Variants in PHACTR1 observed in about 807,000 individuals in gnomAD.
PHACTR1 encodes phosphatase and actin regulator 1, also known as RPEL repeat containing 1.
PHACTR1 carries 16 observed loss-of-function variants against 69.2 expected under a neutral mutation model. The ratio of observed to expected loss-of-function variants is 0.23; its 90% CI spans 0.16 to 0.35. PHACTR1 has a LOEUF of 0.35. PHACTR1 is among the 10% of genes least tolerant of loss of function. PHACTR1 has a pLI of 1.00. For missense variants in PHACTR1, 510 were observed against 734.7 expected (o/e 0.69, Z 3.54); for synonymous variants, 312 against 284.5 (o/e 1.10, Z -0.97).
intron 4 of PHACTR1, among the ~76,000 whole-genome samples, chr6:12,795,213 C>T (rs1041743174): frequency 1.3e-5 from 2 of 150,400 alleles, no homozygotes; most frequent in African/African-American, 4.8e-5. Context: ...GATGATATTT[C>T]CTAGAGAGAG....
intron 5 of PHACTR1, among the ~76,000 whole-genome samples, chr6:13,140,064 C>G (rs1397115346): frequency 1.3e-5 from 2 of 152,208 alleles, no homozygotes; most frequent in Non-Finnish European, 2.9e-5. Context: ...TGATCTTCCT[C>G]TCTCTGAATT....
At chr6:13,100,700 G>GTTGAA (rs1439035344) in intron 5 of PHACTR1, among the ~76,000 whole-genome samples, 1 of 152,212 alleles carries the variant, frequency 6.6e-6, no homozygotes, top group East Asian at 1.9e-4. Context: ...CCTCTGTGGA[G>GTTGAA]TTGAATTAAT....
chr6:12,972,871 G>A (rs1173716658), intron 4 of PHACTR1, among the ~76,000 whole-genome samples: 3 of 152,002 alleles, frequency 2.0e-5, no homozygotes, highest in East Asian at 1.9e-4. Context: ...GGCTGGTCTC[G>A]AACTCCTGAC....
Position 12,850,346 on chromosome 6 carries a change from G to A in PHACTR1, c.250+100556G>A, listed in dbSNP as rs7772024. Among the ~76,000 whole-genome samples, 1,212 of 152,344 alleles carry A rather than the reference G, an allele frequency of 8.0e-3. 17 individuals are homozygous for A. The highest frequency in any genetic ancestry group is 0.028 in the African/African-American group (1,147 of 41,586). On this transcript the variant is annotated intron_variant, in intron 4 of 14. Coordinates refer to ENST00000332995, the MANE Select transcript of PHACTR1 (RefSeq NM_030948.6). ...GCCTGCACTCTTGCCCATCAGGCCC[G>A]CGTGCAGATGCAAAGTCCTCCTTCA...
Position 13,284,543 on chromosome 6 carries a change from AATATATATATATAT to A in PHACTR1, c.1650+995_1650+1008del, listed in dbSNP as rs3037749. On this transcript the variant is annotated intron_variant, in intron 13 of 14. Transcript: ENST00000332995. ...AAAAAAAAAAAAAAAAAAAAAAAAA[AATATATATATATAT>A]ATATATATATATAGATACACGTATA... Among the ~76,000 whole-genome samples the A allele has an allele frequency of 6.5e-4, 40 of 61,354 alleles. 1 individual carries two copies. The highest frequency in any genetic ancestry group is 3.7e-3 in the African/African-American group (35 of 9,400). The allele number at this position is 61,354 out of a possible 152,430, so 40.3% of individuals were successfully genotyped here.
At chr6:13,084,084 T>C (rs1811862669) in intron 5 of PHACTR1, among the ~76,000 whole-genome samples, 1 of 152,054 alleles carries the variant, frequency 6.6e-6, no homozygotes, top group African/African-American at 2.4e-5. Context: ...TGTATGTTTA[T>C]TGCGGCACTA....
At chr6:12,914,552 G>A (rs746081804) in intron 4 of PHACTR1, among the ~76,000 whole-genome samples, 5 of 151,948 alleles carry the variant, frequency 3.3e-5, no homozygotes, top group Admixed American at 6.6e-5. Context: ...TGATTTCTCC[G>A]CCTGGAGGTC....
Position 13,160,263 on chromosome 6 carries a change from C to T in PHACTR1, c.475C>T (p.Leu159=). ...SREELIKRGV[L]KEIYDKDGEL... is the part of the protein sequence containing the mutation. Reference sequence around the variant, plus strand: ...AGAAGAGCTGATAAAGCGAGGAGTCCTGAAGGAAATCTATGATAAAGGTAA... The same window carrying T: ...AGAAGAGCTGATAAAGCGAGGAGTCTTGAAGGAAATCTATGATAAAGGTAA... Residue 159 remains leucine, a synonymous_variant, in exon 6 of 15, where the codon CTG becomes TTG. Coordinates refer to ENST00000332995, the MANE Select transcript of PHACTR1 (RefSeq NM_030948.6). 6.2e-7 allele frequency: 1 copy of T among 1,613,638 alleles called. No individual in the cohort carries two copies. The highest frequency in any genetic ancestry group is 8.5e-7 in the Non-Finnish European group (1 of 1,179,676).
intron 4 of PHACTR1, among the ~76,000 whole-genome samples, chr6:12,799,270 C>T (rs760795552): frequency 2.0e-5 from 3 of 152,006 alleles, no homozygotes; most frequent in South Asian, 2.1e-4. Context: ...GGATACAAGG[C>T]GAGGTCATAC....
chr6:12,965,008 T>C (rs1173892500), intron 4 of PHACTR1, among the ~76,000 whole-genome samples: 1 of 152,134 alleles, frequency 6.6e-6, no homozygotes, highest in African/African-American at 2.4e-5. Flanking sequence ...TGATAGAAAA[T>C]AGTGTCCGTA....
chr6:12,889,742 TTTC>T (rs766006556), intron 4 of PHACTR1, among the ~76,000 whole-genome samples: 94 of 145,236 alleles, frequency 6.5e-4, no homozygotes, highest in African/African-American at 1.6e-3. Context: ...TTCTTTCTTC[TTTC>T]TTCTTCTTCT....
chr6:12,776,134 G>A (rs542680219), intron 4 of PHACTR1, among the ~76,000 whole-genome samples: 3 of 152,278 alleles, frequency 2.0e-5, no homozygotes, highest in African/African-American at 7.2e-5. Context: ...AAGCAAACCT[G>A]AGTTTATTTC....
At chr6:12,969,326 G>A (rs1447683097) in intron 4 of PHACTR1, among the ~76,000 whole-genome samples, 1 of 152,152 alleles carries the variant, frequency 6.6e-6, no homozygotes, top group Non-Finnish European at 1.5e-5. Context: ...GCCTTAAGTG[G>A]CTATTTCTGT....
chr6:12,800,614 C>T (rs188792959), intron 4 of PHACTR1, among the ~76,000 whole-genome samples: 1 of 152,174 alleles, frequency 6.6e-6, no homozygotes, highest in African/African-American at 2.4e-5. Flanking sequence ...AGCCAGGTGC[C>T]GTGCCTCATA....
chr6:13,038,209 G>C (rs555682866), intron 4 of PHACTR1, among the ~76,000 whole-genome samples: 1 of 152,214 alleles, frequency 6.6e-6, no homozygotes, highest in East Asian at 1.9e-4. Flanking sequence ...GGTAACTTAA[G>C]ACCCAGAGAA....
intron 10 of PHACTR1, among the ~76,000 whole-genome samples, chr6:13,265,435 A>G (rs1442751288): frequency 1.4e-5 from 2 of 146,956 alleles, no homozygotes; most frequent in African/African-American, 5.5e-5. Context: ...AGAGTGCCCT[A>G]TAAGGCAGGC....
intron 4 of PHACTR1, among the ~76,000 whole-genome samples, chr6:12,921,814 G>GGGAAGAAGGAAGGGAGGGAGGGAA (rs1787742185): frequency 1.8e-4 from 2 of 11,290 alleles, no homozygotes; most frequent in Non-Finnish European, 5.1e-4. Context: ...GAGGGAGGGA[G>GGGAAGAAGGAAGGGAGGGAGGGAA]CAAGGGGGAA....
In PHACTR1 at chr6:13,016,749, A is replaced by C. The variant is rs755114059; in HGVS notation, c.251-36616A>C. On this transcript the variant is annotated intron_variant, in intron 4 of 14. Coordinates refer to ENST00000332995, the MANE Select transcript of PHACTR1 (RefSeq NM_030948.6). The stretch of plus-strand genomic sequence containing the variant: ...GAACACAATTCACCATTAATGGCCA[A>C]AGACAGTTTTTGTTTCCTTCCGTCT... Among the ~76,000 whole-genome samples the C allele has an allele frequency of 4.0e-4, 61 of 152,184 alleles. 1 individual carries two copies. Among genetic ancestry groups the C allele is most frequent in the Non-Finnish European group, 2.1e-4 (14 of 68,038 alleles).
intron 4 of PHACTR1, among the ~76,000 whole-genome samples, chr6:12,778,000 G>A (rs527278906): frequency 1.2e-4 from 19 of 152,264 alleles, no homozygotes; most frequent in Admixed American, 4.6e-4. Flanking sequence ...ACTTCTCTCA[G>A]TGACTGTGTT....
Sources: gnomAD v4.1 joint callset for allele counts (sites outside exome capture counted in the v4.1 genomes callset) on GRCh38, gnomAD v4.1.1 for gene constraint, MANE v1.5 for transcripts, NCBI Gene and HGNC (gene_info 2026-07-23, HGNC 2026-07-21) for gene names.